ZNF652: variants seen among roughly 807,000 people sequenced by gnomAD.
ZNF652 encodes zinc finger protein 652.
In ZNF652, 16 loss-of-function variants were observed where a neutral mutation model predicts 45.2. That is an observed-to-expected ratio of 0.35 (90% CI 0.24 to 0.54). The LOEUF (loss-of-function observed/expected upper bound fraction) is 0.54. Ranked by LOEUF, ZNF652 falls within the 20% of genes least tolerant of loss-of-function variation. ZNF652 has a pLI of 0.91. For synonymous variants in ZNF652, 250 were observed against 260.6 expected, an observed-to-expected ratio of 0.96 and a Z score of 0.39; for missense variants, 614 against 765.6, an observed-to-expected ratio of 0.80 and a Z score of 2.34.
At chr17:49,301,575 G>C (rs11651191) in intron 5 of ZNF652, among the ~76,000 whole-genome samples, 1 of 152,086 alleles carries the variant, frequency 6.6e-6, no homozygotes, top group African/African-American at 2.4e-5. Flanking sequence ...TGGGATTACA[G>C]GTGTGAGCCA....
At chr17:49,351,184 G>GT (rs943941991) in intron 1 of ZNF652, among the ~76,000 whole-genome samples, 1 of 151,462 alleles carries the variant, frequency 6.6e-6, no homozygotes, top group African/African-American at 2.4e-5. Flanking sequence ...ACAAACACGT[G>GT]TAAGTATGCT....
chr17:49,317,505 T>C lies in ZNF652; in HGVS notation c.221A>G (p.Glu74Gly). The C allele has an allele frequency of 6.2e-7, 1 of 1,614,150 alleles. No homozygotes were observed. The highest frequency in any genetic ancestry group is 8.5e-7 in the Non-Finnish European group (1 of 1,180,022). ...CCTGAAATATGGCTGTTCTTCTGTTTCATGGAGATGCGGTTTGCTCATCTT... is the reference window on the plus strand; with the variant it reads ...CCTGAAATATGGCTGTTCTTCTGTTCCATGGAGATGCGGTTTGCTCATCTT... ...DTKMSKPHLHETEEQPYFRET... is the reference protein window; with the variant it reads ...DTKMSKPHLHGTEEQPYFRET... The change falls in exon 2 of 6, where the codon GAA (glutamate) becomes GGA (glycine). Residue 74 changes from glutamate (E) to glycine (G), a missense_variant. By Grantham distance (98) the Glu-to-Gly change is moderately conservative. Transcript: ENST00000430262.
At chr17:49,342,097 A>G (rs2070153726) in intron 1 of ZNF652, among the ~76,000 whole-genome samples, 1 of 152,058 alleles carries the variant, frequency 6.6e-6, no homozygotes, top group South Asian at 2.1e-4. Flanking sequence ...GAGGCAGGAG[A>G]ATCGCTTTAA....
chr17:49,352,145 G>C (rs2070289399), intron 1 of ZNF652, among the ~76,000 whole-genome samples: 1 of 152,088 alleles, frequency 6.6e-6, no homozygotes, highest in South Asian at 2.1e-4. Flanking sequence ...TGGACAAACT[G>C]TAATTTAAAA....
chr17:49,350,541 CAA>C (rs11349262), intron 1 of ZNF652, among the ~76,000 whole-genome samples: 23,373 of 135,662 alleles, frequency 0.17, 2,167 homozygotes, highest in African/African-American at 0.3. Flanking sequence ...GACTCCGCCT[CAA>C]AAAAAAAAAA....
chr17:49,309,755 T>C (rs1598289100), intron 5 of ZNF652, among the ~76,000 whole-genome samples: 1 of 152,160 alleles, frequency 6.6e-6, no homozygotes, highest in East Asian at 1.9e-4. Flanking sequence ...CTAATAAAAC[T>C]GCTCTCATGA....
intron 1 of ZNF652, among the ~76,000 whole-genome samples, chr17:49,342,001 T>C (rs2070152623): frequency 1.3e-5 from 2 of 151,984 alleles, no homozygotes; most frequent in African/African-American, 2.4e-5. Context: ...GCCTGACCAA[T>C]ATGGCGAAAC....
chr17:49,333,350 C>T (rs2143855601), intron 1 of ZNF652, among the ~76,000 whole-genome samples: 1 of 150,192 alleles, frequency 6.7e-6, no homozygotes, highest in Admixed American at 6.6e-5. Context: ...AGCCACTGCA[C>T]CCGGCCAAAA....
intron 1 of ZNF652, among the ~76,000 whole-genome samples, chr17:49,319,859 TG>T (rs1211798934): frequency 6.6e-6 from 1 of 152,074 alleles, no homozygotes; most frequent in African/African-American, 2.4e-5. Flanking sequence ...CCCAGGCTGG[TG>T]GGACTGATTT....
At position 49,298,539 on chromosome 17, in the gene ZNF652, A is replaced by T; in HGVS notation, c.1695T>A (p.Pro565=). Reference sequence around the variant, plus strand: ...GAGGTGGCGGGAGGTGAGGGACTGGAGGGATGGGAAGGTGGTGTGGGTGGT... The same window carrying T: ...GAGGTGGCGGGAGGTGAGGGACTGGTGGGATGGGAAGGTGGTGTGGGTGGT... ...HPHHPHHLPI[P]PVPHLPPPPA... is the part of the protein sequence containing the mutation. The change falls in exon 6 of 6, where the codon CCT becomes CCA. Residue 565 remains proline (P), a synonymous_variant. Transcript: ENST00000430262. 6.3e-7 allele frequency: 1 copy of T among 1,581,038 alleles called. No individual in the cohort carries two copies. The highest frequency in any genetic ancestry group is 1.1e-5 in the South Asian group (1 of 90,114).
chr17:49,344,131 G>A (rs902561192), intron 1 of ZNF652, among the ~76,000 whole-genome samples: 1 of 152,010 alleles, frequency 6.6e-6, no homozygotes, highest in African/African-American at 2.4e-5. Context: ...AACCCGGGAG[G>A]CGGAGCTTGC....
At chr17:49,349,490 T>C (rs779458112) in intron 1 of ZNF652, among the ~76,000 whole-genome samples, 37 of 152,308 alleles carry the variant, frequency 2.4e-4, no homozygotes, top group Middle Eastern at 3.4e-3. Flanking sequence ...TTGGTAAGTG[T>C]AGAGTGAAAG....
rs191694590 is a variant in ZNF652 at position 49,334,334 on chromosome 17, A to G, written c.-258-16351T>C. Among the ~76,000 whole-genome samples, 71 of 152,204 alleles carry G rather than the reference A, an allele frequency of 4.7e-4. 1 individual carries two copies. The highest frequency in any genetic ancestry group is 1.6e-3 in the African/African-American group (65 of 41,534). ...CGTCTCTACAAAAAGTTTTTCAAAA[A>G]TTAGCTGGGTGTAGCGGTGCACATT... is the stretch of plus-strand genomic sequence containing the variant. On this transcript the variant is annotated intron_variant, in intron 1 of 5. Transcript: ENST00000430262.
At chr17:49,320,929 C>A (rs1043302352) in intron 1 of ZNF652, among the ~76,000 whole-genome samples, 7 of 145,542 alleles carry the variant, frequency 4.8e-5, no homozygotes, top group African/African-American at 1.4e-4. Flanking sequence ...CGTCTCACTG[C>A]AACCACGCCT....
At chr17:49,334,460 G>A (rs1345255048) in intron 1 of ZNF652, among the ~76,000 whole-genome samples, 1 of 152,038 alleles carries the variant, frequency 6.6e-6, no homozygotes, top group Non-Finnish European at 1.5e-5. Flanking sequence ...CTCCAGTCTG[G>A]GCAACAGAGT....
chr17:49,308,348 T>C (rs1396348717), intron 5 of ZNF652, among the ~76,000 whole-genome samples: 1 of 152,156 alleles, frequency 6.6e-6, no homozygotes, highest in African/African-American at 2.4e-5. Flanking sequence ...TGCCTAACTT[T>C]TGTATTTTTG....
At chr17:49,304,052 C>A (rs1201041213) in intron 5 of ZNF652, among the ~76,000 whole-genome samples, 3 of 63,072 alleles carry the variant, frequency 4.8e-5, no homozygotes, top group Non-Finnish European at 9.0e-5. Context: ...CCATGCCTGG[C>A]TAATTTTTTT....
At chr17:49,328,995 T>C (rs1203691767) in intron 1 of ZNF652, among the ~76,000 whole-genome samples, 3 of 152,238 alleles carry the variant, frequency 2.0e-5, no homozygotes. Context: ...ACTTAGGTTT[T>C]TGAACAACAA....
At chr17:49,312,233 T>G (rs1244351067) in intron 3 of ZNF652, among the ~76,000 whole-genome samples, 191 bp from the exon 4 acceptor site, 2 of 146,560 alleles carry the variant, frequency 1.4e-5, no homozygotes, top group Non-Finnish European at 3.0e-5. Flanking sequence ...TGGCGCAATC[T>G]TGGCTCACTG....
Sources: gnomAD v4.1 joint callset for allele counts (sites outside exome capture counted in the v4.1 genomes callset) on GRCh38, gnomAD v4.1.1 for gene constraint, MANE v1.5 for transcripts, NCBI Gene and HGNC (gene_info 2026-07-23, HGNC 2026-07-21) for gene names.